Variants in ZFAT observed in about 807,000 individuals in gnomAD.
ZFAT encodes zinc finger and AT-hook domain containing.
Under a neutral mutation model 117.7 loss-of-function variants are expected in ZFAT, and 64 were observed. The observed-to-expected ratio is 0.54, with a 90% CI of 0.44 to 0.67. The LOEUF (loss-of-function observed/expected upper bound fraction) is 0.67. ZFAT is among the 30% of genes least tolerant of loss of function. ZFAT has a pLI of 0.00. For synonymous variants in ZFAT, 679 were observed against 615.0 expected, an observed-to-expected ratio of 1.10 and a Z score of -1.54; for missense variants, 1,433 against 1,584.5, an observed-to-expected ratio of 0.90 and a Z score of 1.62.
chr8:134,534,357 T>A (rs970720195), intron 11 of ZFAT, among the ~76,000 whole-genome samples: 13 of 152,220 alleles, frequency 8.5e-5, no homozygotes, highest in Non-Finnish European at 1.5e-4. Flanking sequence ...ACTCCTCCAC[T>A]GTCCAATTCA....
chr8:134,509,663 A>G lies in ZFAT; in HGVS notation c.3448T>C (p.Ser1150Pro), dbSNP rs937779195. 3.1e-6 allele frequency: 5 copies of G among 1,613,368 alleles called. No individual in the cohort carries two copies. Among genetic ancestry groups the G allele is most frequent in the Non-Finnish European group, 4.2e-6 (5 of 1,179,804 alleles). ...AETHDATALA[S>P]VVAMAPGTVT... ...GTCCCTGGTGCCATGGCAACCACCG[A>G]GGCAAGGGCAGTGGCGTCATGGGTC... The change falls in exon 15 of 16, where the codon TCG becomes CCG. Residue 1150 changes from serine to proline, a missense_variant. By Grantham distance (74) the Ser-to-Pro change is moderately conservative. Transcript: ENST00000377838.
chr8:134,812,974 T>C, the ZFAT span, among the ~76,000 whole-genome samples: 1 of 152,246 alleles, frequency 6.6e-6, no homozygotes, highest in African/African-American at 2.4e-5. Context: ...CTTCAGAGCC[T>C]ACTCTCTTAC....
chr8:134,816,499 G>C, the ZFAT span, among the ~76,000 whole-genome samples: 1 of 151,722 alleles, frequency 6.6e-6, no homozygotes, highest in African/African-American at 2.4e-5. Context: ...AAAAAAGTGA[G>C]AGATTAAGTA....
chr8:134,686,675 T>C (rs934928101), intron 1 of ZFAT, among the ~76,000 whole-genome samples: 19 of 152,152 alleles, frequency 1.2e-4, no homozygotes, highest in Non-Finnish European at 2.5e-4. Flanking sequence ...GAGCTTCAGT[T>C]TCCTTCTGCA....
chr8:134,761,416 A>G, the ZFAT span, among the ~76,000 whole-genome samples: 1 of 151,950 alleles, frequency 6.6e-6, no homozygotes, highest in South Asian at 2.1e-4. Flanking sequence ...AATAAATCAC[A>G]ACAGGCCAGG....
At chr8:134,699,690 G>A (rs776800680) in intron 1 of ZFAT, among the ~76,000 whole-genome samples, 8 of 152,134 alleles carry the variant, frequency 5.3e-5, no homozygotes, top group Non-Finnish European at 8.8e-5. Context: ...CTGTCCCTCC[G>A]TTTATTTGTC....
At chr8:134,722,934 G>C in the ZFAT span, 2 of 152,234 alleles carry the variant, frequency 1.3e-5, no homozygotes, top group South Asian at 4.1e-4. Flanking sequence ...TATTCCAAAA[G>C]TGGAAATTAG....
intron 15 of ZFAT, among the ~76,000 whole-genome samples, chr8:134,508,777 C>G (rs967664996): frequency 2.0e-5 from 3 of 152,224 alleles, no homozygotes; most frequent in Non-Finnish European, 4.4e-5. Context: ...CAACAGTAAG[C>G]ACTCAATAAA....
At chr8:134,613,995 T>C (rs1212063232) in intron 3 of ZFAT, among the ~76,000 whole-genome samples, 3 of 152,232 alleles carry the variant, frequency 2.0e-5, no homozygotes, top group African/African-American at 2.4e-5. Context: ...TTCTCATTGT[T>C]AAACTCGTTT....
chr8:134,499,231 T>G (rs1164697067), intron 15 of ZFAT, among the ~76,000 whole-genome samples: 1 of 126,482 alleles, frequency 7.9e-6, no homozygotes, highest in Non-Finnish European at 1.7e-5. Context: ...ATGCCCCCGT[T>G]GCTGGTTACA....
At chr8:134,733,197 C>G in the ZFAT span, among the ~76,000 whole-genome samples, 25 of 152,266 alleles carry the variant, frequency 1.6e-4, no homozygotes, top group South Asian at 5.2e-3. Context: ...TGTCTTCATG[C>G]AAATATCTGG....
chr8:134,620,415 C>T (rs974145493), intron 3 of ZFAT, among the ~76,000 whole-genome samples: 3 of 152,184 alleles, frequency 2.0e-5, no homozygotes, highest in South Asian at 2.1e-4. Flanking sequence ...AGTTGGCTCC[C>T]GGGTGCAACA....
At chr8:134,699,121 C>A (rs1833947015) in intron 1 of ZFAT, among the ~76,000 whole-genome samples, 1 of 152,100 alleles carries the variant, frequency 6.6e-6, no homozygotes, top group Non-Finnish European at 1.5e-5. Context: ...TTAATCATTG[C>A]CCCTCACCCC....
At chr8:134,537,393 T>C (rs1160363923) in intron 11 of ZFAT, among the ~76,000 whole-genome samples, 1 of 152,154 alleles carries the variant, frequency 6.6e-6, no homozygotes, top group Non-Finnish European at 1.5e-5. Context: ...GGGGCACAGG[T>C]TGGTATTCTT....
At chr8:134,719,308 C>T in the ZFAT span, among the ~76,000 whole-genome samples, 1 of 152,164 alleles carries the variant, frequency 6.6e-6, no homozygotes, top group Non-Finnish European at 1.5e-5. Context: ...CAATGTGCTT[C>T]CCTTCTCTGG....
At chr8:134,567,200 C>A (rs760538456) in intron 10 of ZFAT, among the ~76,000 whole-genome samples, 1 of 152,218 alleles carries the variant, frequency 6.6e-6, no homozygotes, top group Non-Finnish European at 1.5e-5. Context: ...GCTTCCACCT[C>A]CAGCCTTCCC....
At chr8:134,511,348 C>G (rs573578550) in intron 14 of ZFAT, among the ~76,000 whole-genome samples, 1 of 152,120 alleles carries the variant, frequency 6.6e-6, no homozygotes, top group Non-Finnish European at 1.5e-5. Context: ...TGGAAGGAAA[C>G]TCAAGTTCTG....
intron 1 of ZFAT, among the ~76,000 whole-genome samples, chr8:134,669,696 A>G (rs1350393845): frequency 3.3e-5 from 5 of 152,244 alleles, no homozygotes; most frequent in Non-Finnish European, 7.3e-5. Context: ...TGCATCAACT[A>G]ACGAGCAAAA....
At chr8:134,739,502 A>G in the ZFAT span, among the ~76,000 whole-genome samples, 128,711 of 152,132 alleles carry the variant, frequency 0.85, 54,696 homozygotes, top group Non-Finnish European at 0.88. Flanking sequence ...TATTTTGTTA[A>G]CTTTTAAAAT....
Sources: allele counts gnomAD v4.1 joint callset (sites outside exome capture counted in the v4.1 genomes callset), GRCh38; gene constraint gnomAD v4.1.1; transcripts MANE v1.5; gene names NCBI Gene and HGNC (gene_info 2026-07-23, HGNC 2026-07-21).